Variants in USP22 observed in about 807,000 individuals in gnomAD.
The protein encoded by USP22 is ubiquitin specific peptidase 22.
In USP22, 22 loss-of-function variants were observed where a neutral mutation model predicts 68.1. The observed-to-expected ratio is 0.32, with a 90% CI of 0.23 to 0.46. The LOEUF (loss-of-function observed/expected upper bound fraction) is 0.46. USP22 is among the 20% of genes least tolerant of loss of function. The probability of loss-of-function intolerance (pLI) is 1.00; values close to 1 mark genes in which losing one functional copy is unlikely to be tolerated. For synonymous variants in USP22, 279 were observed against 274.2 expected, an observed-to-expected ratio of 1.02 and a Z score of -0.17; for missense variants, 433 against 695.8, an observed-to-expected ratio of 0.62 and a Z score of 4.25.
chr17:21,014,065 T>A (rs1914055912), intron 6 of USP22, among the ~76,000 whole-genome samples: 1 of 152,114 alleles, frequency 6.6e-6, no homozygotes. Context: ...AGAGCGAGAC[T>A]CTGACTCAAA....
chr17:21,013,870 C>T (rs34537905), intron 6 of USP22, among the ~76,000 whole-genome samples: 30 of 152,128 alleles, frequency 2.0e-4, no homozygotes, highest in South Asian at 1.2e-3. Context: ...GTTAGGAGAC[C>T]GAGACCATCC....
Position 21,031,454 on chromosome 17 carries a change from T to C in USP22, c.172-2780A>G, listed in dbSNP as rs112160141. Among the ~76,000 whole-genome samples, 63 of 152,146 alleles carry C rather than the reference T, an allele frequency of 4.1e-4. 1 individual carries two copies. Among genetic ancestry groups the C allele is most frequent in the African/African-American group, 1.4e-3 (59 of 41,498 alleles). On this transcript the variant is annotated intron_variant, in intron 1 of 12. Transcript: ENST00000261497. ...ACACTCCATTATAGTCTATCTCTAC[T>C]ACACAACCTAGGACTGTGCTACACA...
chr17:21,004,187 C>A lies in USP22; in HGVS notation c.1535+15G>T, dbSNP rs373467874. ...TAGCCACCGTAGGGCCTTCCTCCCACCCCACAGGACGCACCCTTCGCTGTC... is the reference window on the plus strand; with the variant it reads ...TAGCCACCGTAGGGCCTTCCTCCCAACCCACAGGACGCACCCTTCGCTGTC... On this transcript the variant is annotated intron_variant, in intron 12 of 12. Transcript: ENST00000261497. The A allele has an allele frequency of 6.2e-7, 1 of 1,612,172 alleles. No individual in the cohort carries two copies. The highest frequency in any genetic ancestry group is 8.5e-7 in the Non-Finnish European group (1 of 1,178,658).
Position 21,021,104 on chromosome 17 carries a change from G to T in USP22, c.418+9C>A. 2 of 1,609,210 alleles carry T rather than the reference G, an allele frequency of 1.2e-6. No homozygotes were observed. Among genetic ancestry groups the T allele is most frequent in the Non-Finnish European group, 1.7e-6 (2 of 1,175,598 alleles). Reference sequence around the variant, plus strand: ...AGGATCAAGCAGGTAAACTGAGGTGGAACCAAACCTTGCATTTTCCAAGCT... The same window carrying T: ...AGGATCAAGCAGGTAAACTGAGGTGTAACCAAACCTTGCATTTTCCAAGCT... On this transcript the variant is annotated intron_variant, in intron 3 of 12. Coordinates refer to ENST00000261497, the MANE Select transcript of USP22 (RefSeq NM_015276.2).
At position 21,001,242 on chromosome 17, in the gene USP22, G is replaced by C. The variant is rs1913566620; in HGVS notation, c.*1789C>G. Reference sequence around the variant, plus strand: ...ACAACAGAAAATGAACAGAGCACGTGGGCAAGAAACCGCATCCCTCAGGCT... The same window carrying C: ...ACAACAGAAAATGAACAGAGCACGTCGGCAAGAAACCGCATCCCTCAGGCT... On this transcript the variant is annotated 3_prime_UTR_variant, in exon 13 of 13. Coordinates refer to ENST00000261497, the MANE Select transcript of USP22 (RefSeq NM_015276.2). 1 of 152,114 alleles carries C rather than the reference G, an allele frequency of 6.6e-6. No individual in the cohort carries two copies. The highest frequency in any genetic ancestry group is 1.5e-5 in the Non-Finnish European group (1 of 68,038). 9.4% of individuals were successfully genotyped at this position (152,114 alleles called of 1,614,324 possible). A position where few individuals can be genotyped will look rare whatever the true frequency, so the allele number is the denominator to read the frequency against.
At chr17:21,011,028 C>T (rs767880876) in intron 8 of USP22, 123 bp downstream of exon 8, 5 of 1,322,686 alleles carry the variant, frequency 3.8e-6, no homozygotes, top group Non-Finnish European at 5.0e-6. Flanking sequence ...CCAATCCAGG[C>T]TCATGCTGCA....
At position 21,042,811 on chromosome 17, in the gene USP22, C is replaced by T; in HGVS notation, c.25G>A (p.Gly9Ser). 1 of 1,451,484 alleles carries T rather than the reference C, an allele frequency of 6.9e-7. No individual in the cohort carries two copies. The allele number at this position is 1,451,484 out of a possible 1,614,324, so 89.9% of individuals were successfully genotyped here. A position where few individuals can be genotyped will look rare whatever the true frequency, so the allele number is the denominator to read the frequency against. MVSRPEPE[G>S]EAMDAELAVA... ...GCCAGCTCGGCGTCCATGGCCTCGC[C>T]CTCGGGCTCTGGCCGGGACACCATG... is the stretch of plus-strand genomic sequence containing the variant. The change falls in exon 1 of 13, where the codon GGC becomes AGC. Residue 9 changes from glycine to serine, a missense_variant. Gly to Ser is a moderately conservative substitution (Grantham distance 56, BLOSUM62 0). Transcript: ENST00000261497.
chr17:21,040,849 C>G (rs984691516), intron 1 of USP22, among the ~76,000 whole-genome samples: 1 of 151,438 alleles, frequency 6.6e-6, no homozygotes, highest in Non-Finnish European at 1.5e-5. Flanking sequence ...GTAGCAACAG[C>G]ACATTCCCTG....
chr17:21,025,249 A>AT (rs1322304377), intron 2 of USP22, among the ~76,000 whole-genome samples: 1 of 152,220 alleles, frequency 6.6e-6, no homozygotes, highest in Admixed American at 6.5e-5. Flanking sequence ...AAACATATAC[A>AT]AATGGCCCAA....
At chr17:21,024,838 C>T (rs898989314) in intron 2 of USP22, among the ~76,000 whole-genome samples, 16 of 152,086 alleles carry the variant, frequency 1.1e-4, no homozygotes, top group African/African-American at 2.9e-4. Context: ...CGTGGTGGCG[C>T]GTACCTGTGG....
chr17:21,022,269 T>C (rs1349531853), intron 2 of USP22, among the ~76,000 whole-genome samples: 1 of 150,250 alleles, frequency 6.7e-6, no homozygotes, highest in African/African-American at 2.4e-5. Flanking sequence ...TCGTTTGAAC[T>C]TTCTAATCGT....
At position 21,028,598 on chromosome 17, in the gene USP22, C is replaced by G; in HGVS notation, c.248G>C (p.Gly83Ala). 6.2e-7 allele frequency: 1 copy of G among 1,614,044 alleles called. No homozygotes were observed. The highest frequency in any genetic ancestry group is 8.5e-7 in the Non-Finnish European group (1 of 1,180,016). Residue 83 changes from glycine to alanine, a missense_variant, in exon 2 of 13, where the codon GGC becomes GCC. Transcript: ENST00000261497. ...LHSCLYCVFFGCFTKKHIHEH... is the reference protein window; with the variant it reads ...LHSCLYCVFFACFTKKHIHEH... ...GTGAATATGCTTCTTTGTGAAACAG[C>G]CGAAGAAGACACAGTAGAGGCAGGA...
At chr17:21,003,150 A>T in intron 12 of USP22, 77 bp from the exon 13 acceptor site, 1 of 1,557,440 alleles carries the variant, frequency 6.4e-7, no homozygotes, top group Non-Finnish European at 8.9e-7. Context: ...CCTACACAAA[A>T]GCCTACGTGC....
At chr17:21,017,215 T>C (rs1397817853) in intron 5 of USP22, among the ~76,000 whole-genome samples, 3 of 152,218 alleles carry the variant, frequency 2.0e-5, no homozygotes, top group Admixed American at 2.0e-4. Flanking sequence ...CAGACAGACA[T>C]GAGTGAGCTG....
intron 2 of USP22, among the ~76,000 whole-genome samples, chr17:21,027,955 G>A (rs1345167027): frequency 6.6e-6 from 1 of 152,092 alleles, no homozygotes; most frequent in Non-Finnish European, 1.5e-5. Context: ...GTGACAGCGC[G>A]AGACTCCATC....
At chr17:21,008,052 T>C (rs1913833623) in intron 8 of USP22, 56 bp from the exon 9 acceptor site, 1 of 1,581,554 alleles carries the variant, frequency 6.3e-7, no homozygotes, top group Non-Finnish European at 8.6e-7. Context: ...GACAGAAAAA[T>C]GAGAGGAAAG....
intron 1 of USP22, among the ~76,000 whole-genome samples, chr17:21,041,390 G>A (rs1388090351): frequency 6.6e-6 from 1 of 151,794 alleles, no homozygotes. Flanking sequence ...CTGAGATCAG[G>A]AGTTCCAGAC....
At chr17:21,041,960 C>T (rs1972438704) in intron 1 of USP22, among the ~76,000 whole-genome samples, 1 of 152,256 alleles carries the variant, frequency 6.6e-6, no homozygotes, top group East Asian at 1.9e-4. Context: ...AGGCTCGCCC[C>T]GGCCCCAGCC....
intron 8 of USP22, among the ~76,000 whole-genome samples, chr17:21,008,531 T>TCA (rs1235002953): frequency 2.6e-5 from 4 of 152,200 alleles, no homozygotes; most frequent in Non-Finnish European, 5.9e-5. Context: ...TTCCGTTATA[T>TCA]CATTCAGTTG....
Sources: gnomAD v4.1 joint callset for allele counts (sites outside exome capture counted in the v4.1 genomes callset) on GRCh38, gnomAD v4.1.1 for gene constraint, MANE v1.5 for transcripts, NCBI Gene and HGNC (gene_info 2026-07-23, HGNC 2026-07-21) for gene names.